The following BLTP1 variants were observed in gnomAD, a reference collection of about 807,000 sequenced individuals.
BLTP1 encodes the protein bridge-like lipid transfer protein family member 1.
chr4:122,349,550 C>T, the BLTP1 span: 9 of 1,612,678 alleles, frequency 5.6e-6, no homozygotes, highest in Non-Finnish European at 7.6e-6. This position sits in a 1 kb window ranked among gnomAD's most constrained non-coding sequence, Gnocchi z 4.5. Flanking sequence ...CAAGTATCCT[C>T]ATGGGCATCT....
At chr4:122,330,294 A>G in the BLTP1 span, among the ~76,000 whole-genome samples, 1 of 151,792 alleles carries the variant, frequency 6.6e-6, no homozygotes, top group Non-Finnish European at 1.5e-5. Context: ...TCTCTTGAGG[A>G]ATCTCCATAC....
the BLTP1 span, among the ~76,000 whole-genome samples, chr4:122,256,484 G>A: frequency 3.9e-5 from 6 of 152,182 alleles, no homozygotes; most frequent in African/African-American, 1.4e-4. Flanking sequence ...AGAGGCTAGT[G>A]GACTTGGTGT....
chr4:122,179,804 C>A, the BLTP1 span: 6 of 976,450 alleles, frequency 6.1e-6, no homozygotes, highest in Non-Finnish European at 7.3e-6. Flanking sequence ...ATTGCATGCC[C>A]ACACAAGTGC....
chr4:122,185,137 G>T, the BLTP1 span: 1 of 983,556 alleles, frequency 1.0e-6, no homozygotes, highest in South Asian at 4.7e-5. Context: ...TAGGAATGAA[G>T]TTATAAATTA....
At chr4:122,178,952 T>TAGAAA in the BLTP1 span, among the ~76,000 whole-genome samples, 17 of 152,174 alleles carry the variant, frequency 1.1e-4, no homozygotes, top group Non-Finnish European at 2.1e-4. Flanking sequence ...TAGAAAAGTA[T>TAGAAA]TGAACAAATA....
chr4:122,262,079 CT>C, the BLTP1 span: 1 of 820,278 alleles, frequency 1.2e-6, no homozygotes, highest in Non-Finnish European at 1.5e-6. Context: ...AGATAGATAG[CT>C]TTTCTTTCTT....
the BLTP1 span, chr4:122,325,192 AG>A: frequency 6.5e-7 from 1 of 1,542,356 alleles, no homozygotes; most frequent in Non-Finnish European, 8.8e-7. Context: ...TTTTTTAATG[AG>A]AATATTGGTG....
the BLTP1 span, among the ~76,000 whole-genome samples, chr4:122,212,712 C>T: frequency 8.6e-5 from 13 of 151,994 alleles, no homozygotes; most frequent in Admixed American, 7.2e-4. Context: ...TCATTTTAGA[C>T]TTGTTTATAA....
chr4:122,196,301 C>T, the BLTP1 span, among the ~76,000 whole-genome samples: 3 of 152,236 alleles, frequency 2.0e-5, no homozygotes, highest in East Asian at 5.8e-4. Context: ...GATTGAGTAA[C>T]TTGTCCAGGT....
the BLTP1 span, chr4:122,316,550 T>C: frequency 1.3e-6 from 1 of 741,308 alleles, no homozygotes; most frequent in Non-Finnish European, 2.3e-6. Context: ...TGGGGAAACG[T>C]AGGTAGCAAC....
At chr4:122,216,567 A>T in the BLTP1 span, among the ~76,000 whole-genome samples, 2 of 152,096 alleles carry the variant, frequency 1.3e-5, no homozygotes, top group Non-Finnish European at 2.9e-5. Context: ...TCTTCTTTTG[A>T]GAAATGTCTA....
chr4:122,159,062 A>T, the BLTP1 span, among the ~76,000 whole-genome samples: 1 of 152,218 alleles, frequency 6.6e-6, no homozygotes, highest in Non-Finnish European at 1.5e-5. Flanking sequence ...TCTAAGAATC[A>T]TGCTCACTAG....
At chr4:122,347,612 A>G in the BLTP1 span, 1 of 1,613,884 alleles carries the variant, frequency 6.2e-7, no homozygotes, top group Non-Finnish European at 8.5e-7. Context: ...AAGACCTGGG[A>G]GCAGCCAAGT....
chr4:122,163,001 T>C, the BLTP1 span, among the ~76,000 whole-genome samples: 1 of 152,202 alleles, frequency 6.6e-6, no homozygotes, highest in Non-Finnish European at 1.5e-5. Flanking sequence ...GTATTAAATA[T>C]TGTGCGCCTT....
At chr4:122,347,640 C>T in the BLTP1 span, 2 of 1,613,878 alleles carry the variant, frequency 1.2e-6, no homozygotes, top group Non-Finnish European at 1.7e-6. Flanking sequence ...CCTCCTTCAC[C>T]CACATGCCTC....
At chr4:122,342,502 C>T in the BLTP1 span, among the ~76,000 whole-genome samples, 4 of 151,940 alleles carry the variant, frequency 2.6e-5, no homozygotes, top group African/African-American at 4.8e-5. Context: ...ATTACAGGTG[C>T]GTGCCACCAC....
chr4:122,184,282 A>G, the BLTP1 span, among the ~76,000 whole-genome samples: 3 of 152,214 alleles, frequency 2.0e-5, no homozygotes, highest in African/African-American at 7.2e-5. Context: ...TGTAAGTAAG[A>G]TATCTTCACT....
the BLTP1 span, chr4:122,186,011 A>T: frequency 1.3e-6 from 2 of 1,496,758 alleles, no homozygotes; most frequent in Non-Finnish European, 9.0e-7. Context: ...TTGACTAAAA[A>T]TTTTTTTGTA....
chr4:122,198,184 G>A, the BLTP1 span: 8 of 974,840 alleles, frequency 8.2e-6, no homozygotes, highest in East Asian at 8.0e-4. Flanking sequence ...TTGAAAAAGT[G>A]ACTGTGAATG....
Sources: allele counts gnomAD v4.1 joint callset (sites outside exome capture counted in the v4.1 genomes callset), GRCh38; gene constraint gnomAD v4.1.1; non-coding constraint Gnocchi (gnomAD v3.1); transcripts MANE v1.5; gene names NCBI Gene and HGNC (gene_info 2026-07-23, HGNC 2026-07-21).